The following GTF2H5 variants were observed in gnomAD, a reference collection of about 807,000 sequenced individuals.
GTF2H5 encodes the protein general transcription factor IIH subunit 5.
Under a neutral mutation model 7.1 loss-of-function variants are expected in GTF2H5, and 5 were observed. The observed-to-expected ratio is 0.71, with a 90% CI of 0.37 to 1.49. The LOEUF is 1.49. Ranked by LOEUF, GTF2H5 falls within the 40% of genes most tolerant of loss-of-function variation. The probability of loss-of-function intolerance (pLI) is 0.03; values close to 1 mark genes in which losing one functional copy is unlikely to be tolerated. For synonymous variants in GTF2H5, 30 were observed against 31.7 expected (o/e 0.95, Z 0.18); for missense variants, 80 against 83.0 (o/e 0.96, Z 0.14).
At chr6:158,184,121 T>C (rs1410905169) in intron 2 of GTF2H5, among the ~76,000 whole-genome samples, 1 of 152,166 alleles carries the variant, frequency 6.6e-6, no homozygotes, top group Non-Finnish European at 1.5e-5. Flanking sequence ...GTAAAAGGCA[T>C]GGTTACACAT....
intron 2 of GTF2H5, among the ~76,000 whole-genome samples, chr6:158,184,206 A>G (rs1294498625): frequency 6.6e-6 from 1 of 152,102 alleles, no homozygotes; most frequent in Non-Finnish European, 1.5e-5. Context: ...CCAGCAAGGT[A>G]GTGATTTGGG....
intron 2 of GTF2H5, chr6:158,190,669 C>A (rs1176853171): frequency 2.2e-6 from 1 of 460,294 alleles, no homozygotes; most frequent in African/African-American, 2.0e-5. Context: ...TGTGCTTGTA[C>A]TTAAATCTTA....
Position 158,169,185 on chromosome 6 carries a change from C to G in GTF2H5, c.-35+790C>G, listed in dbSNP as rs558559296. ...GGAGGCAGAGGTTGCAGTGAGCCGA[C>G]ATCACGACACTGCGCTCCAGCCTGG... On this transcript the variant is annotated intron_variant, in intron 1 of 2. Coordinates refer to ENST00000607778, the MANE Select transcript of GTF2H5 (RefSeq NM_207118.3). Among the ~76,000 whole-genome samples the G allele has an allele frequency of 2.0e-5, 3 of 146,824 alleles. No individual in the cohort carries two copies. The East Asian group carries it at 5.9e-4, about 29-fold the overall frequency.
At chr6:158,169,780 GTATATTATATATTATATATTGTATATTA>G (rs1562469556) in intron 1 of GTF2H5, among the ~76,000 whole-genome samples, 3 of 76,178 alleles carry the variant, frequency 3.9e-5, no homozygotes, top group African/African-American at 1.6e-4. Flanking sequence ...ATAATATATT[GTATATTATATATTATATATTGTATATTA>G]TATATTATAT....
rs1184751613 is a variant in GTF2H5 at position 158,169,577 on chromosome 6, TTA to T, written c.-34-886_-34-885del. On this transcript the variant is annotated intron_variant, in intron 1 of 2. Transcript: ENST00000607778. ...TATATTATATATAATATATTGTATA[TTA>T]TATATAATATATTGTATATTACATA... Among the ~76,000 whole-genome samples, 9 of 95,244 alleles carry T rather than the reference TTA, an allele frequency of 9.4e-5. 1 individual carries two copies. The highest frequency in any genetic ancestry group is 1.7e-4 in the Non-Finnish European group (9 of 54,242). The allele number at this position is 95,244 out of a possible 152,430, so 62.5% of individuals were successfully genotyped here.
intron 2 of GTF2H5, among the ~76,000 whole-genome samples, chr6:158,171,690 G>A (rs1785858319): frequency 6.6e-6 from 1 of 152,204 alleles, no homozygotes; most frequent in Non-Finnish European, 1.5e-5. Flanking sequence ...GGTGGAGATG[G>A]AGACTTCGGA....
chr6:158,198,096 A>C lies in GTF2H5; in HGVS notation c.*5939A>C, dbSNP rs967736888. 1 of 152,232 alleles carries C rather than the reference A, an allele frequency of 6.6e-6. No individual in the cohort carries two copies. Among genetic ancestry groups the C allele is most frequent in the Non-Finnish European group, 1.5e-5 (1 of 68,028 alleles). 9.4% of individuals were successfully genotyped at this position (152,232 alleles called of 1,614,324 possible). A position where few individuals can be genotyped will look rare whatever the true frequency, so the allele number is the denominator to read the frequency against. ...GTTACCTTGAATCTAGAAGAGTACAATGATAAAGGGGAAGATAGAAACACA... is the reference window on the plus strand; with the variant it reads ...GTTACCTTGAATCTAGAAGAGTACACTGATAAAGGGGAAGATAGAAACACA... On this transcript the variant is annotated 3_prime_UTR_variant, in exon 3 of 3. Transcript: ENST00000607778.
At chr6:158,169,697 A>ATAATATATTGTATATTATATG (rs1785792200) in intron 1 of GTF2H5, among the ~76,000 whole-genome samples, 1 of 85,458 alleles carries the variant, frequency 1.2e-5, no homozygotes, top group Non-Finnish European at 2.1e-5. Flanking sequence ...TATATATTAT[A>ATAATATATTGTATATTATATG]TAATATATTG....
chr6:158,189,533 T>C (rs1249891771), intron 2 of GTF2H5, among the ~76,000 whole-genome samples: 1 of 152,154 alleles, frequency 6.6e-6, no homozygotes, highest in Admixed American at 6.5e-5. Flanking sequence ...CTATCCTTCC[T>C]TACCCTCGTG....
intron 2 of GTF2H5, among the ~76,000 whole-genome samples, chr6:158,173,522 T>A (rs1785885739): frequency 6.6e-6 from 1 of 152,160 alleles, no homozygotes; most frequent in African/African-American, 2.4e-5. Context: ...TCAGTATAAG[T>A]CTGTTTATTA....
intron 2 of GTF2H5, among the ~76,000 whole-genome samples, chr6:158,183,772 G>T (rs1019641049): frequency 6.6e-6 from 1 of 152,152 alleles, no homozygotes; most frequent in Non-Finnish European, 1.5e-5. Context: ...GCAGCATTTG[G>T]GCTGGAGTGT....
In GTF2H5 at chr6:158,170,686, G is replaced by T. The variant is rs1314187523; in HGVS notation, c.35+148G>T. ...CAAGTGGCACAGATTTTGTTGCAAA[G>T]CTCCTGGTGCCAGATTTCAGTCCCT... On this transcript the variant is annotated intron_variant, in intron 2 of 2. Coordinates refer to ENST00000607778, the MANE Select transcript of GTF2H5 (RefSeq NM_207118.3). 4.4e-6 allele frequency: 3 copies of T among 680,054 alleles called. No homozygotes were observed. In the East Asian group the frequency reaches 8.1e-5, roughly 18 times the overall value. The allele number at this position is 680,054 out of a possible 1,614,324, so 42.1% of individuals were successfully genotyped here. A position where few individuals can be genotyped will look rare whatever the true frequency, so the allele number is the denominator to read the frequency against.
chr6:158,189,021 T>G (rs1290718780), intron 2 of GTF2H5, among the ~76,000 whole-genome samples: 6 of 135,012 alleles, frequency 4.4e-5, no homozygotes, highest in Admixed American at 3.6e-4. Context: ...CAGGATGCCC[T>G]GTAGCCTCAG....
In GTF2H5 at chr6:158,192,112, G is replaced by T; in HGVS notation, c.171G>T (p.Val57=). 6.2e-7 allele frequency: 1 copy of T among 1,613,642 alleles called. No individual in the cohort carries two copies. The highest frequency in any genetic ancestry group is 8.5e-7 in the Non-Finnish European group (1 of 1,179,888). The change falls in exon 3 of 3, where the codon GTG becomes GTT. Residue 57 remains valine (V), a synonymous_variant. Transcript: ENST00000607778. ...AELVNVLQER[V]GELMDQNAFS... is the part of the protein sequence containing the mutation. ...TGGTTAATGTCCTCCAGGAGCGAGT[G>T]GGTGAATTAATGGACCAAAATGCTT...
chr6:158,181,310 A>G (rs915134735), intron 2 of GTF2H5, among the ~76,000 whole-genome samples: 2 of 152,194 alleles, frequency 1.3e-5, no homozygotes, highest in Non-Finnish European at 2.9e-5. Context: ...CAATTTTAGA[A>G]TAAGTGTGAT....
At chr6:158,190,850 A>G (rs1425955361) in intron 2 of GTF2H5, 4 of 460,110 alleles carry the variant, frequency 8.7e-6, no homozygotes, top group Non-Finnish European at 1.7e-5. Flanking sequence ...TTTGCTAAAC[A>G]CATTGTGTAT....
At position 158,197,135 on chromosome 6, in the gene GTF2H5, G is replaced by C. The variant is rs911334835; in HGVS notation, c.*4978G>C. Reference sequence around the variant, plus strand: ...TTTTAAAACCTTGAATTCAGAGACAGGTATAAAGACTGCTTGGTGATTTTG... The same window carrying C: ...TTTTAAAACCTTGAATTCAGAGACACGTATAAAGACTGCTTGGTGATTTTG... On this transcript the variant is annotated 3_prime_UTR_variant, in exon 3 of 3. Transcript: ENST00000607778. The C allele has an allele frequency of 6.5e-6, 1 of 153,744 alleles. No individual in the cohort carries two copies. Among genetic ancestry groups the C allele is most frequent in the African/African-American group, 2.4e-5 (1 of 41,436 alleles). 9.5% of individuals were successfully genotyped at this position (153,744 alleles called of 1,614,324 possible).
intron 2 of GTF2H5, among the ~76,000 whole-genome samples, chr6:158,178,486 A>G (rs1020027792): frequency 7.0e-5 from 10 of 143,444 alleles, no homozygotes; most frequent in Admixed American, 4.9e-4. Flanking sequence ...AAGCATTCCT[A>G]TTTTTCCACA....
intron 2 of GTF2H5, among the ~76,000 whole-genome samples, chr6:158,185,299 G>A (rs556176289): frequency 2.2e-4 from 34 of 152,104 alleles, no homozygotes; most frequent in African/African-American, 8.0e-4. Context: ...CCCAACACTG[G>A]GAAGCCGAGG....
Sources: gnomAD v4.1 joint callset for allele counts (sites outside exome capture counted in the v4.1 genomes callset) on GRCh38, gnomAD v4.1.1 for gene constraint, MANE v1.5 for transcripts, NCBI Gene and HGNC (gene_info 2026-07-23, HGNC 2026-07-21) for gene names.